ERCC2: variants seen among roughly 807,000 people sequenced by gnomAD.
ERCC2 encodes ERCC excision repair 2, TFIIH core complex helicase subunit.
ERCC2 carries 90 observed loss-of-function variants against 99.4 expected under a neutral mutation model. That is an observed-to-expected ratio of 0.91 (90% CI 0.76 to 1.08). The LOEUF is 1.08. Among genes scored for constraint, ERCC2 ranks in the 50% least tolerant of loss-of-function variants. The pLI is 0.00. For synonymous variants in ERCC2, 497 were observed against 432.4 expected, an observed-to-expected ratio of 1.15 and a Z score of -1.85; for missense variants, 993 against 1,038.1, an observed-to-expected ratio of 0.96 and a Z score of 0.60.
rs774329591 is a variant in ERCC2, at chr19:45,354,713, G to C, written c.1665+17C>G. Reference sequence around the variant, plus strand: ...GACTGAGGAGAGCAGGTGCAGGGAGGGGGTGGCCAGGCGTACCTGCTCATA... The same window carrying C: ...GACTGAGGAGAGCAGGTGCAGGGAGCGGGTGGCCAGGCGTACCTGCTCATA... On this transcript the variant is annotated intron_variant, in intron 17 of 22. Coordinates refer to ENST00000391945, the MANE Select transcript of ERCC2 (RefSeq NM_000400.4). 6.2e-7 allele frequency: 1 copy of C among 1,613,296 alleles called. No individual in the cohort carries two copies. Among genetic ancestry groups the C allele is most frequent in the Non-Finnish European group, 8.5e-7 (1 of 1,179,740 alleles).
At position 45,350,814 on chromosome 19, in the gene ERCC2, CCCCCAT is replaced by C. The variant is rs1020132810; in HGVS notation, c.*809_*814del. 81 of 1,348,956 alleles carry C rather than the reference CCCCCAT, an allele frequency of 6.0e-5. No individual in the cohort carries two copies. Among genetic ancestry groups the C allele is most frequent in the Non-Finnish European group, 7.9e-5 (76 of 963,414 alleles). 83.6% of individuals were successfully genotyped at this position (1,348,956 alleles called of 1,614,324 possible). A position where few individuals can be genotyped will look rare whatever the true frequency, so the allele number is the denominator to read the frequency against. The stretch of plus-strand genomic sequence containing the variant: ...GAATCCACAGCCCACCCCACCCCCA[CCCCCAT>C]CTTGCTCAAGAACCTTCCATGGCTC... On this transcript the variant is annotated 3_prime_UTR_variant, in exon 23 of 23. Transcript: ENST00000391945.
intron 4 of ERCC2, 31 bp downstream of exon 4, chr19:45,368,899 G>A (rs1366339441): frequency 6.2e-7 from 1 of 1,609,700 alleles, no homozygotes; most frequent in South Asian, 1.1e-5. Context: ...GGAACAGTGG[G>A]GCTGGAGCAC....
intron 7 of ERCC2, 30 bp downstream of exon 7, chr19:45,364,808 C>A (rs761492594): frequency 1.3e-6 from 2 of 1,542,694 alleles, no homozygotes; most frequent in South Asian, 2.2e-5. Flanking sequence ...CTCACACTCG[C>A]CCCTCTGCCC....
At chr19:45,359,475 C>T (rs1232904885) in intron 12 of ERCC2, among the ~76,000 whole-genome samples, 1 of 152,200 alleles carries the variant, frequency 6.6e-6, no homozygotes, top group East Asian at 1.9e-4. Context: ...CCCCAGGAGG[C>T]AGACTGAGCC....
In ERCC2 at chr19:45,364,711, C is replaced by G. The variant is rs972624963; in HGVS notation, c.594+127G>C. The G allele has an allele frequency of 4.8e-6, 6 of 1,261,108 alleles. No individual in the cohort carries two copies. In the African/African-American group the frequency reaches 7.4e-5, roughly 15 times the overall value. The allele number at this position is 1,261,108 out of a possible 1,614,324, so 78.1% of individuals were successfully genotyped here. On this transcript the variant is annotated intron_variant, in intron 7 of 22. Transcript: ENST00000391945. The stretch of plus-strand genomic sequence containing the variant: ...GAGACAGACCAACAGATACGGGCAC[C>G]CACCAACAGGGAGATGCAGACAGGC...
At chr19:45,369,778 C>T (rs1204203847) in intron 2 of ERCC2, among the ~76,000 whole-genome samples, 1 of 152,030 alleles carries the variant, frequency 6.6e-6, no homozygotes, top group African/African-American at 2.4e-5. Context: ...TGGCCTCAAG[C>T]GATCCTCCTG....
chr19:45,351,839 T>C, intron 22 of ERCC2, 118 bp from the exon 23 acceptor site: 1 of 896,104 alleles, frequency 1.1e-6, no homozygotes, highest in Non-Finnish European at 1.8e-6. Context: ...TTGAATGAAT[T>C]TGGAGATGTC....
chr19:45,353,767 G>C (rs947290917), intron 17 of ERCC2, among the ~76,000 whole-genome samples: 4 of 152,194 alleles, frequency 2.6e-5, no homozygotes, highest in African/African-American at 9.7e-5. Flanking sequence ...AGTGGGGAGA[G>C]CTTTTACTGG....
intron 16 of ERCC2, 75 bp from the exon 17 acceptor site, chr19:45,354,926 C>T: frequency 1.3e-6 from 2 of 1,597,006 alleles, no homozygotes; most frequent in Non-Finnish European, 1.7e-6. Context: ...CTAGGAGTTT[C>T]TGGAAACCCC....
At chr19:45,366,144 C>G (rs968003304) in intron 5 of ERCC2, among the ~76,000 whole-genome samples, 2 of 74,908 alleles carry the variant, frequency 2.7e-5, no homozygotes, top group African/African-American at 2.4e-4. Flanking sequence ...CCAGCCAAAA[C>G]TAATATTTTA....
Position 45,353,284 on chromosome 19 carries a change from C to T in ERCC2, c.1716G>A (p.Gln572=), listed in dbSNP as rs774736563. 1.2e-6 allele frequency: 2 copies of T among 1,614,080 alleles called. No homozygotes were observed. Among genetic ancestry groups the T allele is most frequent in the Non-Finnish European group, 1.7e-6 (2 of 1,179,992 alleles). The change falls in exon 18 of 23, where the codon CAG becomes CAA. Residue 572 remains glutamine, a synonymous_variant. Transcript: ENST00000391945. ...QRNKLLFIET[Q]DGAETSVALE... is the part of the protein sequence containing the mutation. ...GGGCGACACTGGTTTCGGCACCATC[C>T]TGGGTCTCAATAAAGAGCAGCTTGT...
At chr19:45,365,685 G>A (rs1972403056) in intron 5 of ERCC2, among the ~76,000 whole-genome samples, 1 of 151,746 alleles carries the variant, frequency 6.6e-6, no homozygotes, top group African/African-American at 2.4e-5. Context: ...CAGCTACTCG[G>A]GAGGCTGAGG....
chr19:45,353,449 T>G, intron 17 of ERCC2, 115 bp from the exon 18 acceptor site: 1 of 723,438 alleles, frequency 1.4e-6, no homozygotes, highest in Non-Finnish European at 2.5e-6. Flanking sequence ...CTGGCTCATC[T>G]GAGATGTGGT....
At position 45,365,106 on chromosome 19, in the gene ERCC2, G is replaced by A; in HGVS notation, c.413C>T (p.Thr138Ile). ...KDVDGKCHSL[T>I]ASYVRAQYQH... Reference sequence around the variant, plus strand: ...GTACTGCGCCCGCACATAGGAGGCTGTGAGGCTGTGGCATTTCCCATCGAC... The same window carrying A: ...GTACTGCGCCCGCACATAGGAGGCTATGAGGCTGTGGCATTTCCCATCGAC... The change falls in exon 6 of 23, where the codon ACA (threonine) becomes ATA (isoleucine). Residue 138 changes from threonine to isoleucine, a missense_variant. Physicochemically the swap from Thr to Ile is moderately conservative, Grantham distance 89. Coordinates refer to ENST00000391945, the MANE Select transcript of ERCC2 (RefSeq NM_000400.4). The A allele has an allele frequency of 1.2e-6, 2 of 1,614,226 alleles. No individual in the cohort carries two copies. The highest frequency in any genetic ancestry group is 1.7e-6 in the Non-Finnish European group (2 of 1,180,026).
At chr19:45,360,249 T>A (rs1194174733) in intron 12 of ERCC2, among the ~76,000 whole-genome samples, 2 of 151,270 alleles carry the variant, frequency 1.3e-5, no homozygotes, top group Non-Finnish European at 2.9e-5. Flanking sequence ...CCCAGCTAAC[T>A]TTTTTTGTAT....
At chr19:45,363,500 G>C (rs1419569639) in intron 11 of ERCC2, among the ~76,000 whole-genome samples, 1 of 152,118 alleles carries the variant, frequency 6.6e-6, no homozygotes, top group African/African-American at 2.4e-5. Flanking sequence ...TCTTGGGTGG[G>C]GGAGATTCTC....
At position 45,357,700 on chromosome 19, in the gene ERCC2, C is replaced by G. The variant is rs947507401; in HGVS notation, c.1238-1G>C. 6.8e-6 allele frequency: 11 copies of G among 1,613,566 alleles called. No homozygotes were observed. The highest frequency in any genetic ancestry group is 5.9e-6 in the Non-Finnish European group (7 of 1,179,972). On this transcript the variant is annotated splice_acceptor_variant, in intron 12 of 22. Coordinates refer to ENST00000391945, the MANE Select transcript of ERCC2 (RefSeq NM_000400.4). LOFTEE classifies it high-confidence loss of function. The stretch of plus-strand genomic sequence containing the variant: ...AAGGGCTCGATGATGATGGTGAAGC[C>G]TGCAGAGGGCAGGCAAGGAGGGGTG...
intron 11 of ERCC2, 60 bp from the exon 12 acceptor site, chr19:45,361,702 C>T: frequency 8.2e-7 from 1 of 1,213,548 alleles, no homozygotes; most frequent in East Asian, 2.3e-5. Flanking sequence ...GACCAGCAGC[C>T]CTGCCTCCGC....
At chr19:45,369,599 C>G (rs1304918998) in intron 2 of ERCC2, among the ~76,000 whole-genome samples, 1 of 152,156 alleles carries the variant, frequency 6.6e-6, no homozygotes, top group Non-Finnish European at 1.5e-5. Context: ...ATAATAAAAC[C>G]TTCCTCATAA....
Sources: gnomAD v4.1 joint callset for allele counts (sites outside exome capture counted in the v4.1 genomes callset) on GRCh38, gnomAD v4.1.1 for gene constraint, MANE v1.5 for transcripts, NCBI Gene and HGNC (gene_info 2026-07-23, HGNC 2026-07-21) for gene names.